Variants in EML6 observed in about 807,000 individuals in gnomAD.
EML6 encodes EMAP like 6, also known as echinoderm microtubule-associated protein-like 6.
Under a neutral mutation model 240.1 loss-of-function variants are expected in EML6, and 154 were observed. The observed-to-expected ratio is 0.64, with a 90% CI of 0.56 to 0.73. EML6 has a LOEUF of 0.73. Among genes scored for constraint, EML6 ranks in the 30% least tolerant of loss-of-function variants. The probability of loss-of-function intolerance (pLI) is 0.00; values close to 1 mark genes in which losing one functional copy is unlikely to be tolerated. For missense variants in EML6, 2,964 were observed against 2,474.6 expected (o/e 1.20, Z -4.20); for synonymous variants, 1,148 against 899.0 (o/e 1.28, Z -4.95).
intron 29 of EML6, 117 bp from the exon 30 acceptor site, chr2:54,950,533 G>A (rs1675920552): frequency 5.3e-6 from 6 of 1,124,586 alleles, no homozygotes; most frequent in Non-Finnish European, 7.5e-6. Context: ...GTGTGTGTTG[G>A]CGTCACCAGC....
intron 2 of EML6, among the ~76,000 whole-genome samples, chr2:54,750,014 C>T (rs1684088011): frequency 6.6e-6 from 1 of 152,124 alleles, no homozygotes; most frequent in Non-Finnish European, 1.5e-5. Context: ...AATTTTTTTC[C>T]TTGATGTTTG....
intron 8 of EML6, among the ~76,000 whole-genome samples, chr2:54,844,462 G>A (rs1217662916): frequency 6.6e-6 from 1 of 152,150 alleles, no homozygotes; most frequent in Non-Finnish European, 1.5e-5. Context: ...TTTTTTAGAA[G>A]TGAAAAATGC....
intron 16 of EML6, among the ~76,000 whole-genome samples, chr2:54,876,187 T>A (rs1457572191): frequency 6.6e-6 from 1 of 152,114 alleles, no homozygotes; most frequent in Non-Finnish European, 1.5e-5. Flanking sequence ...TTCAACTAAC[T>A]GGTCAGAGAG....
At position 54,903,508 on chromosome 2, in the gene EML6, G is replaced by T; in HGVS notation, c.3409+6G>T. 2 of 1,534,542 alleles carry T rather than the reference G, an allele frequency of 1.3e-6. No homozygotes were observed. The highest frequency in any genetic ancestry group is 1.8e-6 in the Non-Finnish European group (2 of 1,138,982). Reference sequence around the variant, plus strand: ...CATTGACTGGGACTCTAGAGGTAAAGTATGTTGTGGCTTTTAAAATAGAAT... The same window carrying T: ...CATTGACTGGGACTCTAGAGGTAAATTATGTTGTGGCTTTTAAAATAGAAT... On this transcript the variant is annotated splice_donor_region_variant and intron_variant, in intron 24 of 41. Coordinates refer to ENST00000356458, the MANE Select transcript of EML6 (RefSeq NM_001039753.4).
intron 16 of EML6, among the ~76,000 whole-genome samples, chr2:54,879,315 T>C (rs1371132765): frequency 6.6e-6 from 1 of 152,254 alleles, no homozygotes; most frequent in Non-Finnish European, 1.5e-5. Context: ...GCGAGGTCCA[T>C]TTAGTATATG....
At chr2:54,898,137 C>A (rs1163118968) in intron 21 of EML6, among the ~76,000 whole-genome samples, 3 of 152,136 alleles carry the variant, frequency 2.0e-5, no homozygotes, top group Non-Finnish European at 4.4e-5. Flanking sequence ...AGTTGTACAG[C>A]TGTTTATGAT....
intron 25 of EML6, among the ~76,000 whole-genome samples, chr2:54,913,068 T>A (rs1016021229): frequency 5.4e-4 from 71 of 131,096 alleles, no homozygotes; most frequent in African/African-American, 1.9e-3. Context: ...CTTGCCAGAT[T>A]CTGTTTTTTT....
chr2:54,836,735 A>T (rs1669167713), intron 7 of EML6, among the ~76,000 whole-genome samples: 1 of 152,206 alleles, frequency 6.6e-6, no homozygotes, highest in African/African-American at 2.4e-5. Context: ...GGTTGGTTGC[A>T]TGCTTTGCTG....
intron 14 of EML6, chr2:54,867,834 C>T (rs974716113): frequency 6.6e-6 from 1 of 152,168 alleles, no homozygotes; most frequent in Admixed American, 6.5e-5. Context: ...GTTCACATTT[C>T]CATTCTAATT....
intron 2 of EML6, among the ~76,000 whole-genome samples, chr2:54,786,148 G>A (rs1050922731): frequency 2.6e-5 from 4 of 151,924 alleles, no homozygotes; most frequent in African/African-American, 7.3e-5. Context: ...GTCCCACCGG[G>A]GCAGTAGAGG....
At chr2:54,816,506 T>C (rs1402033119) in intron 3 of EML6, among the ~76,000 whole-genome samples, 2 of 152,200 alleles carry the variant, frequency 1.3e-5, no homozygotes, top group Non-Finnish European at 2.9e-5. Context: ...CTGTAGTTTC[T>C]ATTGACGTTT....
intron 28 of EML6, among the ~76,000 whole-genome samples, chr2:54,941,153 TTA>T: frequency 6.6e-6 from 1 of 152,368 alleles, no homozygotes; most frequent in Middle Eastern, 3.4e-3. Flanking sequence ...TGCAATAATT[TTA>T]TATGTTTATA....
At chr2:54,948,000 T>C (rs1316241526) in intron 28 of EML6, among the ~76,000 whole-genome samples, 1 of 152,198 alleles carries the variant, frequency 6.6e-6, no homozygotes, top group Non-Finnish European at 1.5e-5. Flanking sequence ...GTTTGCTGCT[T>C]TCAAGGGGAT....
At chr2:54,827,471 C>T in intron 5 of EML6, 95 bp from the exon 6 acceptor site, 4 of 1,023,098 alleles carry the variant, frequency 3.9e-6, no homozygotes, top group Middle Eastern at 6.1e-4. Context: ...TTGGATAGAG[C>T]ACATTATGTG....
At chr2:54,910,151 A>T (rs2104281386) in intron 24 of EML6, among the ~76,000 whole-genome samples, 1 of 152,266 alleles carries the variant, frequency 6.6e-6, no homozygotes, top group Non-Finnish European at 1.5e-5. Flanking sequence ...ATAGCTGTTG[A>T]GGCTGGACAG....
Position 54,850,065 on chromosome 2 carries a change from C to G in EML6, c.1291C>G (p.Pro431Ala). ...CCTTGCAGTGGGATCCAATGATGGCCCAGTAGATGTCTATGCTGTTGCCCA... is the reference window on the plus strand; with the variant it reads ...CCTTGCAGTGGGATCCAATGATGGCGCAGTAGATGTCTATGCTGTTGCCCA... ...SYLAVGSNDG[P>A]VDVYAVAQRY... Residue 431 changes from proline to alanine, a missense_variant, in exon 10 of 42, where the codon CCA becomes GCA. Transcript: ENST00000356458. 1 of 1,551,952 alleles carries G rather than the reference C, an allele frequency of 6.4e-7. No individual in the cohort carries two copies. The highest frequency in any genetic ancestry group is 8.7e-7 in the Non-Finnish European group (1 of 1,147,046).
chr2:54,915,158 A>G (rs181946756), intron 25 of EML6, among the ~76,000 whole-genome samples: 1 of 152,284 alleles, frequency 6.6e-6, no homozygotes, highest in East Asian at 1.9e-4. Flanking sequence ...ATCATTTTTA[A>G]TGCTCCATTT....
At chr2:54,731,141 A>G (rs1437232116) in intron 2 of EML6, among the ~76,000 whole-genome samples, 1 of 152,198 alleles carries the variant, frequency 6.6e-6, no homozygotes, top group African/African-American at 2.4e-5. Context: ...GTTATGTGCA[A>G]AAGTGCCAGG....
chr2:54,771,989 T>G (rs1370914346), intron 2 of EML6, among the ~76,000 whole-genome samples: 1 of 152,240 alleles, frequency 6.6e-6, no homozygotes, highest in Non-Finnish European at 1.5e-5. Context: ...CTCATTAAAA[T>G]GATATTTTCT....
Sources: gnomAD v4.1 joint callset for allele counts (sites outside exome capture counted in the v4.1 genomes callset) on GRCh38, gnomAD v4.1.1 for gene constraint, MANE v1.5 for transcripts, NCBI Gene and HGNC (gene_info 2026-07-23, HGNC 2026-07-21) for gene names.